The following ZBED6 variants were observed in gnomAD, a reference collection of about 807,000 sequenced individuals.
ZBED6 encodes the protein zinc finger BED domain-containing protein 6.
ZBED6 carries 40 observed loss-of-function variants against 58.4 expected under a neutral mutation model. The ratio of observed to expected loss-of-function variants is 0.68; its 90% CI spans 0.53 to 0.89. ZBED6 has a LOEUF of 0.89. Ranked by LOEUF, ZBED6 falls within the 40% of genes least tolerant of loss-of-function variation. The pLI is 0.00. For missense variants in ZBED6, 1,057 were observed against 1,003.9 expected (o/e 1.05, Z -0.71); for synonymous variants, 439 against 350.6 (o/e 1.25, Z -2.82).
At chr1:203,829,796 A>G (rs374851141) in exon 6 of ZBED6, 2 of 1,614,056 alleles carry the variant, frequency 1.2e-6, no homozygotes, top group Non-Finnish European at 1.7e-6. Context: ...TTTCTGAGGA[A>G]GGTGATGAAA....
At chr1:203,829,605 G>C (rs775936642) in exon 5 of ZBED6, 296 of 1,614,162 alleles carry the variant, frequency 1.8e-4, no homozygotes, top group Non-Finnish European at 2.2e-4. Context: ...CTAGCCCCAC[G>C]CATCCACCAG....
intron 3 of ZBED6, among the ~76,000 whole-genome samples, chr1:203,827,309 T>C (rs1680837176): frequency 6.6e-6 from 1 of 152,140 alleles, no homozygotes; most frequent in Non-Finnish European, 1.5e-5. Flanking sequence ...ACATACATCC[T>C]ATGATTCAGC....
chr1:203,797,515 T>C (rs1273996087), exon 1 of ZBED6: 2 of 1,486,914 alleles, frequency 1.3e-6, no homozygotes, highest in East Asian at 2.5e-5. Context: ...TGTGGAGACA[T>C]AAAGAGAATG....
chr1:203,851,326 A>ATGTTTTTT (rs1026884444), intron 16 of ZBED6, among the ~76,000 whole-genome samples: 1 of 152,062 alleles, frequency 6.6e-6, no homozygotes, highest in Admixed American at 6.5e-5. Flanking sequence ...TACCTAAAAG[A>ATGTTTTTT]TGTTTTTTTG....
chr1:203,835,927 G>A (rs1684188440), intron 9 of ZBED6: 1 of 200,738 alleles, frequency 5.0e-6, no homozygotes, highest in Non-Finnish European at 1.1e-5. Flanking sequence ...CCTTTAAGAA[G>A]TCCTGTTCCC....
intron 1 of ZBED6, among the ~76,000 whole-genome samples, 152 bp downstream of exon 1, chr1:203,803,168 G>A (rs1347929481): frequency 6.6e-6 from 1 of 152,024 alleles, no homozygotes; most frequent in African/African-American, 2.4e-5. Flanking sequence ...GTTTTGGGAT[G>A]GAAACATATT....
At chr1:203,802,323 A>T (rs1313128986) in exon 1 of ZBED6, 1 of 152,604 alleles carries the variant, frequency 6.6e-6, no homozygotes, top group Non-Finnish European at 1.5e-5. Context: ...ACTTTGGTAT[A>T]AGAGTAAGTT....
chr1:203,844,874 T>A (rs548069250), intron 11 of ZBED6, among the ~76,000 whole-genome samples: 10 of 152,168 alleles, frequency 6.6e-5, no homozygotes, highest in African/African-American at 2.2e-4. Context: ...AGCTTGGGAT[T>A]TTCATGCTCT....
intron 2 of ZBED6, 127 bp from the exon 3 acceptor site, chr1:203,818,443 G>GT (rs1023949501): frequency 3.1e-6 from 4 of 1,273,668 alleles, no homozygotes; most frequent in East Asian, 2.4e-5. Context: ...CATGTCCATT[G>GT]TTTTTTACCT....
chr1:203,797,964 C>T lies in ZBED6; in HGVS notation c.442C>T (p.Arg148Trp), dbSNP rs1365267770. The change falls in exon 1 of 17, where the codon CGG becomes TGG. Residue 148 changes from arginine to tryptophan, a missense_variant. Coordinates refer to ENST00000550078, the Ensembl canonical transcript of ZBED6. ...TCATGTTGACCCCCAGTACACCTGGCGGGCCATTTGTAACCTCTGTGAGAA... is the reference window on the plus strand; with the variant it reads ...TCATGTTGACCCCCAGTACACCTGGTGGGCCATTTGTAACCTCTGTGAGAA... The T allele has an allele frequency of 3.9e-6, 6 of 1,535,444 alleles. No homozygotes were observed. Among genetic ancestry groups the T allele is most frequent in the Admixed American group, 2.0e-5 (1 of 50,992 alleles).
chr1:203,837,223 G>A (rs889047091), intron 9 of ZBED6, among the ~76,000 whole-genome samples: 2 of 151,576 alleles, frequency 1.3e-5, no homozygotes, highest in Non-Finnish European at 2.9e-5. Context: ...CCTAGGAGGT[G>A]GAGGTTGCAG....
At chr1:203,846,852 CAATT>C (rs538823566) in intron 11 of ZBED6, among the ~76,000 whole-genome samples, 34 of 151,920 alleles carry the variant, frequency 2.2e-4, no homozygotes, top group Admixed American at 1.6e-3. Context: ...GAAATAGAAA[CAATT>C]AGCCGGGCTT....
In ZBED6 at chr1:203,828,266, T is replaced by C. The variant is rs749970428; in HGVS notation, c.*2874-33T>C. 9.9e-6 allele frequency: 16 copies of C among 1,613,216 alleles called. No individual in the cohort carries two copies. The Middle Eastern group carries it at 4.9e-4, about 50-fold the overall frequency. The stretch of plus-strand genomic sequence containing the variant: ...CACATGAATATACGTATCACTGTTT[T>C]ATTTGAAAGCAATGTGTTTTTCCCT... On this transcript the variant is annotated intron_variant, in intron 3 of 16. Transcript: ENST00000550078.
chr1:203,802,217 A>G (rs1670737518), exon 1 of ZBED6: 1 of 152,616 alleles, frequency 6.6e-6, no homozygotes, highest in Non-Finnish European at 1.5e-5. Context: ...ATATATACAT[A>G]CATCCATATT....
intron 10 of ZBED6, among the ~76,000 whole-genome samples, chr1:203,839,722 A>C (rs779854529): frequency 1.4e-4 from 22 of 152,216 alleles, no homozygotes; most frequent in Non-Finnish European, 3.1e-4. Flanking sequence ...AGGTTTTAGA[A>C]GGCTCTACAA....
At chr1:203,827,342 C>G (rs896082464) in intron 3 of ZBED6, among the ~76,000 whole-genome samples, 1 of 150,706 alleles carries the variant, frequency 6.6e-6, no homozygotes, top group Non-Finnish European at 1.5e-5. Context: ...TCTAGATGCA[C>G]AGGTATTCTT....
At chr1:203,831,469 C>G (rs952244457) in intron 7 of ZBED6, among the ~76,000 whole-genome samples, 192 bp from the exon 8 acceptor site, 6 of 152,090 alleles carry the variant, frequency 3.9e-5, no homozygotes, top group African/African-American at 1.4e-4. Flanking sequence ...ATTTTGTTTT[C>G]ACATCATGCC....
At position 203,837,949 on chromosome 1, in the gene ZBED6, G is replaced by A. The variant is rs1167262397; in HGVS notation, c.*3574-17G>A. The A allele has an allele frequency of 6.2e-7, 1 of 1,602,490 alleles. No individual in the cohort carries two copies. The highest frequency in any genetic ancestry group is 8.5e-7 in the Non-Finnish European group (1 of 1,176,534). On this transcript the variant is annotated splice_polypyrimidine_tract_variant and intron_variant, in intron 9 of 16. Transcript: ENST00000550078. ...AGATTGACTTGAAATCTTAAACTAA[G>A]TTCTCCCTCTTTATAGGCGGTGACA...
intron 3 of ZBED6, among the ~76,000 whole-genome samples, chr1:203,819,089 TACACACACACAC>T (rs200302232): frequency 1.1e-4 from 16 of 140,956 alleles, no homozygotes; most frequent in Admixed American, 4.3e-4. Context: ...TATATATATA[TACACACACACAC>T]ACACACACAC....
Sources: allele counts gnomAD v4.1 joint callset (sites outside exome capture counted in the v4.1 genomes callset), GRCh38; gene constraint gnomAD v4.1.1; transcripts MANE v1.5; gene names NCBI Gene and HGNC (gene_info 2026-07-23, HGNC 2026-07-21).